AJAP1: variants seen among roughly 807,000 people sequenced by gnomAD.
AJAP1 encodes the protein adherens junction-associated protein 1.
A neutral mutation model predicts 35.0 loss-of-function variants in AJAP1; 5 were observed. The observed-to-expected ratio is 0.14, with a 90% CI of 0.07 to 0.30. AJAP1 has a LOEUF of 0.30. Among genes scored for constraint, AJAP1 ranks in the 10% least tolerant of loss-of-function variants. The probability of loss-of-function intolerance (pLI) is 1.00; values close to 1 mark genes in which losing one functional copy is unlikely to be tolerated. For missense variants in AJAP1, 586 were observed against 571.0 expected (o/e 1.03, Z -0.27); for synonymous variants, 284 against 249.3 (o/e 1.14, Z -1.31).
chr1:4,711,802 T>G, intron 1 of AJAP1, 98 bp from the exon 2 acceptor site: 3 of 947,284 alleles, frequency 3.2e-6, no homozygotes, highest in Non-Finnish European at 4.5e-6. Flanking sequence ...GAAGAGAGCG[T>G]CCTTGTCACA....
chr1:4,756,032 G>A (rs967692416), intron 2 of AJAP1, among the ~76,000 whole-genome samples: 1 of 152,134 alleles, frequency 6.6e-6, no homozygotes, highest in Non-Finnish European at 1.5e-5. Context: ...TCTTTGCTAA[G>A]CATAGACTTA....
In AJAP1 at chr1:4,693,456, A is replaced by G. The variant is rs1639789660; in HGVS notation, c.30-18444A>G. On this transcript the variant is annotated intron_variant, in intron 1 of 5. Coordinates refer to ENST00000378191, the MANE Select transcript of AJAP1 (RefSeq NM_018836.4). This position sits in a 1 kb window ranked among gnomAD's most constrained non-coding sequence, Gnocchi z 4.4. Reference sequence around the variant, plus strand: ...CTTCTGGGCTAAGACTGAGCGTCCAAGCCTTCCTTGGAGGCACCAGAGCCC... The same window carrying G: ...CTTCTGGGCTAAGACTGAGCGTCCAGGCCTTCCTTGGAGGCACCAGAGCCC... Among the ~76,000 whole-genome samples, 1 of 152,100 alleles carries G rather than the reference A, an allele frequency of 6.6e-6. No individual in the cohort carries two copies. The highest frequency in any genetic ancestry group is 6.5e-5 in the Admixed American group (1 of 15,276).
At chr1:4,751,092 C>T (rs532103930) in intron 2 of AJAP1, among the ~76,000 whole-genome samples, 8 of 152,136 alleles carry the variant, frequency 5.3e-5, no homozygotes, top group Admixed American at 5.2e-4. Context: ...GCACAACCCC[C>T]AGTGCCTCTC....
intron 2 of AJAP1, among the ~76,000 whole-genome samples, chr1:4,719,214 C>A (rs1640463990): frequency 6.6e-6 from 1 of 152,178 alleles, no homozygotes; most frequent in Non-Finnish European, 1.5e-5. Context: ...GCTTCTTAAT[C>A]AATTATTCAA....
intron 2 of AJAP1, among the ~76,000 whole-genome samples, chr1:4,764,863 T>G (rs980411962): frequency 1.3e-5 from 2 of 152,186 alleles, no homozygotes; most frequent in Non-Finnish European, 2.9e-5. Flanking sequence ...TGGCCCGTAT[T>G]TGATTCAGCT....
chr1:4,750,672 T>A (rs1363798204), intron 2 of AJAP1, among the ~76,000 whole-genome samples: 1 of 151,500 alleles, frequency 6.6e-6, no homozygotes, highest in Non-Finnish European at 1.5e-5. Context: ...ATGGGCACAG[T>A]GAGCCTCAGA....
At chr1:4,743,777 T>G (rs1641124497) in intron 2 of AJAP1, among the ~76,000 whole-genome samples, 1 of 151,622 alleles carries the variant, frequency 6.6e-6, no homozygotes, top group Non-Finnish European at 1.5e-5. Flanking sequence ...CTATGGGGGG[T>G]CTCGCCGAGA....
At chr1:4,773,228 C>A (rs1000109732) in intron 4 of AJAP1, among the ~76,000 whole-genome samples, 44 of 152,262 alleles carry the variant, frequency 2.9e-4, no homozygotes, top group African/African-American at 1.1e-3. Flanking sequence ...AGGCTGGGAT[C>A]CATTGTGAGC....
chr1:4,781,693 C>T (rs568074505), intron 5 of AJAP1, among the ~76,000 whole-genome samples: 30 of 152,348 alleles, frequency 2.0e-4, no homozygotes, highest in South Asian at 6.2e-4. Flanking sequence ...ACCCAGACAG[C>T]ACCCCATCCC....
intron 1 of AJAP1, among the ~76,000 whole-genome samples, chr1:4,673,126 C>T (rs1169681452): frequency 6.6e-6 from 1 of 152,170 alleles, no homozygotes; most frequent in African/African-American, 2.4e-5. Flanking sequence ...GACACAGCCC[C>T]ACCAATGCCT....
rs778052828 is a variant in AJAP1, at chr1:4,712,554, C to T, written c.684C>T (p.Pro228=). ...ATTTTTTTAT[P]MTLQTKGFTE... is the part of the protein sequence containing the mutation. ...CCACCACCACCACCACGGCCACCCCCATGACGCTGCAGACTAAGGGGTTCA... is the reference window on the plus strand; with the variant it reads ...CCACCACCACCACCACGGCCACCCCTATGACGCTGCAGACTAAGGGGTTCA... Residue 228 remains proline, a synonymous_variant, in exon 2 of 6, where the codon CCC becomes CCT. Transcript: ENST00000378191. 6.2e-7 allele frequency: 1 copy of T among 1,612,630 alleles called. No homozygotes were observed. Among genetic ancestry groups the T allele is most frequent in the South Asian group, 1.1e-5 (1 of 90,626 alleles).
chr1:4,735,150 T>C (rs546137234), intron 2 of AJAP1, among the ~76,000 whole-genome samples: 1 of 152,320 alleles, frequency 6.6e-6, no homozygotes, highest in East Asian at 1.9e-4. Flanking sequence ...AGCACACCCT[T>C]ACAAAAGCCT....
At chr1:4,728,112 C>T (rs1241995994) in intron 2 of AJAP1, among the ~76,000 whole-genome samples, 1 of 152,188 alleles carries the variant, frequency 6.6e-6, no homozygotes, top group Non-Finnish European at 1.5e-5. Flanking sequence ...GTTCGAGCCT[C>T]TAAGTGTGTG....
chr1:4,677,527 T>A (rs1639388135), intron 1 of AJAP1, among the ~76,000 whole-genome samples: 1 of 151,872 alleles, frequency 6.6e-6, no homozygotes, highest in Admixed American at 6.6e-5. Flanking sequence ...TCCACCTCTC[T>A]CTGGGTCCAC....
rs1352361505 is a variant in AJAP1 at position 4,673,696 on chromosome 1, C to T, written c.29+18242C>T. 2.0e-5 allele frequency among the ~76,000 whole-genome samples: 3 copies of T among 152,316 alleles called. No homozygotes were observed. The East Asian group carries it at 5.8e-4, about 29-fold the overall frequency. On this transcript the variant is annotated intron_variant, in intron 1 of 5. Transcript: ENST00000378191. ...GCCAGGCAGCCTTCCCAGGGCATGT[C>T]CTGGCTTTGTGTCTCTGGAATTGGC...
intron 2 of AJAP1, among the ~76,000 whole-genome samples, chr1:4,754,173 A>C (rs1354581887): frequency 6.6e-6 from 1 of 152,210 alleles, no homozygotes; most frequent in Non-Finnish European, 1.5e-5. Context: ...AAAAAAATTA[A>C]AAGGATAACG....
At position 4,790,909 on chromosome 1, in the gene AJAP1, T is replaced by C. The variant is rs1642237322; in HGVS notation, c.*8424T>C. ...CCAAATACTGGTCTTCTCAGAAGTG[T>C]TTCTGTTTTTTTGTTTTTGTTTTTG... is the stretch of plus-strand genomic sequence containing the variant. On this transcript the variant is annotated 3_prime_UTR_variant, in exon 6 of 6. Transcript: ENST00000378191. 6.7e-6 allele frequency: 1 copy of C among 149,742 alleles called. No homozygotes were observed. The highest frequency in any genetic ancestry group is 1.5e-5 in the Non-Finnish European group (1 of 67,538). 9.3% of individuals were successfully genotyped at this position (149,742 alleles called of 1,614,324 possible).
intron 2 of AJAP1, among the ~76,000 whole-genome samples, chr1:4,715,216 G>T (rs1640361874): frequency 6.6e-6 from 1 of 152,234 alleles, no homozygotes; most frequent in African/African-American, 2.4e-5. Context: ...GGCAGCAGAA[G>T]TGGTCTTGGG....
intron 2 of AJAP1, among the ~76,000 whole-genome samples, chr1:4,741,542 ACAT>A (rs1641069305): frequency 6.6e-6 from 1 of 152,196 alleles, no homozygotes; most frequent in South Asian, 2.1e-4. Flanking sequence ...ATTCCAAAAA[ACAT>A]CACATTCTGA....
Sources: allele counts gnomAD v4.1 joint callset (sites outside exome capture counted in the v4.1 genomes callset), GRCh38; gene constraint gnomAD v4.1.1; non-coding constraint Gnocchi (gnomAD v3.1); transcripts MANE v1.5; gene names NCBI Gene and HGNC (gene_info 2026-07-23, HGNC 2026-07-21).